The following LCORL variants were observed in gnomAD, a reference collection of about 807,000 sequenced individuals.
The protein encoded by LCORL is ligand-dependent nuclear receptor corepressor-like protein.
LCORL carries 41 observed loss-of-function variants against 141.8 expected under a neutral mutation model. The observed-to-expected ratio is 0.29, with a 90% CI of 0.23 to 0.38. The LOEUF (loss-of-function observed/expected upper bound fraction) is 0.38. LCORL is among the 10% of genes least tolerant of loss of function. LCORL has a pLI of 1.00. For missense variants in LCORL, 1,759 were observed against 2,035.0 expected, an observed-to-expected ratio of 0.86 and a Z score of 2.61; for synonymous variants, 618 against 694.1, an observed-to-expected ratio of 0.89 and a Z score of 1.72.
intron 5 of LCORL, among the ~76,000 whole-genome samples, chr4:17,887,535 T>G (rs1200692047): frequency 1.6e-4 from 24 of 152,124 alleles, no homozygotes; most frequent in Non-Finnish European, 1.2e-4. Context: ...GGCTGTGATA[T>G]GGAACCATGT....
intron 1 of LCORL, among the ~76,000 whole-genome samples, chr4:18,017,656 G>A (rs1193956318): frequency 6.6e-6 from 1 of 152,090 alleles, no homozygotes; most frequent in Non-Finnish European, 1.5e-5. Context: ...TCAAGAAATA[G>A]TAAGGTTGAC....
At chr4:17,843,615 G>C (rs7688403) in exon 8 of LCORL, 235,619 of 481,444 alleles carry the variant, frequency 0.49, 61,751 homozygotes, top group East Asian at 0.79. Context: ...CAGAAAAAGT[G>C]TGCATCAGTC....
At chr4:17,867,822 G>T (rs553540916) in intron 7 of LCORL, among the ~76,000 whole-genome samples, 2 of 152,116 alleles carry the variant, frequency 1.3e-5, no homozygotes, top group Admixed American at 1.3e-4. Context: ...AAATATTCAA[G>T]AAAAATTCTA....
Position 17,998,789 on chromosome 4 carries a change from A to G in LCORL, c.154+22809T>C, listed in dbSNP as rs912184915. 1.3e-4 allele frequency among the ~76,000 whole-genome samples: 20 copies of G among 151,102 alleles called. 1 individual carries two copies. Among genetic ancestry groups the G allele is most frequent in the African/African-American group, 4.1e-4 (17 of 41,098 alleles). On this transcript the variant is annotated intron_variant, in intron 1 of 7. Transcript: ENST00000635767. Reference sequence around the variant, plus strand: ...AGACCAGCCTGGGCAACATAACGAAACCCTGTCTCTGCAAAAACCACAAAA... The same window carrying G: ...AGACCAGCCTGGGCAACATAACGAAGCCCTGTCTCTGCAAAAACCACAAAA...
Position 18,021,578 on chromosome 4 carries a change from C to T in LCORL, c.154+20G>A, listed in dbSNP as rs1275892227. On this transcript the variant is annotated intron_variant, in intron 1 of 7. Coordinates refer to ENST00000635767, the Ensembl canonical transcript of LCORL. This position sits in a 1 kb window ranked among gnomAD's most constrained non-coding sequence, Gnocchi z 5.5. ...CGGTCGCCGCGCGGAGCCCGGGGCC[C>T]CGGCCCGCGTCTCTCTTACCTACAC... 2 of 1,513,356 alleles carry T rather than the reference C, an allele frequency of 1.3e-6. No homozygotes were observed. Among genetic ancestry groups the T allele is most frequent in the African/African-American group, 1.5e-5 (1 of 68,588 alleles). 93.7% of individuals were successfully genotyped at this position (1,513,356 alleles called of 1,614,324 possible). A position where few individuals can be genotyped will look rare whatever the true frequency, so the allele number is the denominator to read the frequency against.
exon 7 of LCORL, chr4:17,873,889 T>C: frequency 1.6e-5 from 20 of 1,234,070 alleles, no homozygotes; most frequent in Non-Finnish European, 1.7e-5. Flanking sequence ...TCTTTTTGGC[T>C]GCAATTTGTT....
chr4:17,992,094 C>T (rs1228645875), intron 1 of LCORL, among the ~76,000 whole-genome samples: 1 of 152,166 alleles, frequency 6.6e-6, no homozygotes, highest in Non-Finnish European at 1.5e-5. Flanking sequence ...TTTTATGCTG[C>T]TATGAACAAA....
At chr4:17,977,961 T>C (rs560143533) in intron 1 of LCORL, among the ~76,000 whole-genome samples, 2 of 152,328 alleles carry the variant, frequency 1.3e-5, no homozygotes, top group East Asian at 3.9e-4. Context: ...GTTTCTGTAT[T>C]GGTATCTATT....
exon 8 of LCORL, chr4:17,842,614 G>T: frequency 4.9e-6 from 2 of 408,608 alleles, no homozygotes; most frequent in Non-Finnish European, 8.9e-6. Flanking sequence ...TCTTTAATAT[G>T]TTGTTTCAAT....
At chr4:17,989,048 A>T (rs1719525215) in intron 1 of LCORL, among the ~76,000 whole-genome samples, 1 of 152,238 alleles carries the variant, frequency 6.6e-6, no homozygotes, top group African/African-American at 2.4e-5. Flanking sequence ...GGATGTGGCC[A>T]ATTTATATCC....
At chr4:17,887,415 A>G (rs528581462) in intron 5 of LCORL, among the ~76,000 whole-genome samples, 1 of 152,236 alleles carries the variant, frequency 6.6e-6, no homozygotes, top group African/African-American at 2.4e-5. Context: ...TGTTTTACAC[A>G]GTGTTATCAG....
At chr4:17,975,467 C>A (rs1402009005) in intron 1 of LCORL, among the ~76,000 whole-genome samples, 1 of 151,774 alleles carries the variant, frequency 6.6e-6, no homozygotes, top group Non-Finnish European at 1.5e-5. Flanking sequence ...GTGATCTCGG[C>A]TCATTGCAAC....
At chr4:18,012,812 C>T (rs1724018389) in intron 1 of LCORL, among the ~76,000 whole-genome samples, 1 of 152,264 alleles carries the variant, frequency 6.6e-6, no homozygotes, top group South Asian at 2.1e-4. Context: ...ATAAAAGAAT[C>T]ATGGTTATCA....
chr4:17,967,995 T>C (rs1337888673), intron 2 of LCORL, among the ~76,000 whole-genome samples: 1 of 151,902 alleles, frequency 6.6e-6, no homozygotes. Context: ...GCAGCTGGGA[T>C]TACAGATGCC....
intron 2 of LCORL, among the ~76,000 whole-genome samples, chr4:17,969,325 T>C (rs1173220762): frequency 6.6e-6 from 1 of 152,166 alleles, no homozygotes; most frequent in Non-Finnish European, 1.5e-5. Context: ...AAAGAAGATT[T>C]TGTTTCTAAC....
At chr4:17,852,767 G>A (rs554792065) in intron 7 of LCORL, among the ~76,000 whole-genome samples, 1 of 152,220 alleles carries the variant, frequency 6.6e-6, no homozygotes, top group African/African-American at 2.4e-5. Context: ...TGTGAAAGAT[G>A]GAAATCTTTT....
intron 4 of LCORL, among the ~76,000 whole-genome samples, chr4:17,953,209 G>A (rs757465956): frequency 6.6e-6 from 1 of 152,170 alleles, no homozygotes; most frequent in Non-Finnish European, 1.5e-5. Flanking sequence ...ATGAACATAT[G>A]TATGCATGGG....
chr4:17,957,889 C>T (rs1712994099), intron 4 of LCORL, among the ~76,000 whole-genome samples: 2 of 151,878 alleles, frequency 1.3e-5, no homozygotes, highest in African/African-American at 4.8e-5. Context: ...CTAAGAAACA[C>T]TTAAGGCCTG....
At position 17,843,366 on chromosome 4, in the gene LCORL, G is replaced by T. The variant is rs778475199; in HGVS notation, c.*2522C>A. On this transcript the variant is annotated 3_prime_UTR_variant, in exon 8 of 8. Transcript: ENST00000635767. ...GAGACTACCAAGACGAGCCAAAACC[G>T]CAGCACTAGAAAAAAGTAAACTTAA... 1.9e-6 allele frequency: 3 copies of T among 1,611,824 alleles called. No individual in the cohort carries two copies. The African/African-American group carries it at 4.0e-5, about 22-fold the overall frequency.
Sources: gnomAD v4.1 joint callset for allele counts (sites outside exome capture counted in the v4.1 genomes callset) on GRCh38, gnomAD v4.1.1 for gene constraint, Gnocchi (gnomAD v3.1) non-coding constraint, MANE v1.5 for transcripts, NCBI Gene and HGNC (gene_info 2026-07-23, HGNC 2026-07-21) for gene names.